The following LINGO2 variants were observed in gnomAD, a reference collection of about 807,000 sequenced individuals.
LINGO2 encodes leucine-rich repeat and immunoglobulin-like domain-containing nogo receptor-interacting protein 2.
Under a neutral mutation model 30.6 loss-of-function variants are expected in LINGO2, and 14 were observed. That is an observed-to-expected ratio of 0.46 (90% CI 0.30 to 0.72). The LOEUF is 0.72. Ranked by LOEUF, LINGO2 falls within the 30% of genes least tolerant of loss-of-function variation. The probability of loss-of-function intolerance (pLI) is 0.07; values close to 1 mark genes in which losing one functional copy is unlikely to be tolerated. For missense variants in LINGO2, 729 were observed against 751.7 expected, an observed-to-expected ratio of 0.97 and a Z score of 0.35; for synonymous variants, 317 against 288.5, an observed-to-expected ratio of 1.10 and a Z score of -1.00.
chr9:28,490,246 G>A (rs982009121), intron 1 of LINGO2, among the ~76,000 whole-genome samples: 4 of 152,062 alleles, frequency 2.6e-5, no homozygotes, highest in Non-Finnish European at 4.4e-5. Flanking sequence ...TTATATTGCC[G>A]GAGTTTAACA....
At chr9:28,692,884 A>G in the LINGO2 span, among the ~76,000 whole-genome samples, 1 of 152,166 alleles carries the variant, frequency 6.6e-6, no homozygotes, top group Non-Finnish European at 1.5e-5. Context: ...TAAAATCAAA[A>G]TATGAACATG....
At chr9:29,042,075 A>C in the LINGO2 span, among the ~76,000 whole-genome samples, 3 of 152,158 alleles carry the variant, frequency 2.0e-5, no homozygotes, top group East Asian at 5.8e-4. Flanking sequence ...AGGGACATGA[A>C]AACTAAAATC....
At chr9:28,774,899 T>A in the LINGO2 span, among the ~76,000 whole-genome samples, 7 of 152,312 alleles carry the variant, frequency 4.6e-5, no homozygotes, top group African/African-American at 1.7e-4. Context: ...ATGAAAGCGC[T>A]GGACCTTAAA....
chr9:28,438,219 G>T (rs1047515010), intron 2 of LINGO2, among the ~76,000 whole-genome samples: 4 of 152,282 alleles, frequency 2.6e-5, no homozygotes, highest in South Asian at 2.1e-4. Context: ...GTGAGCTAAA[G>T]GTTGCCCAGA....
intron 3 of LINGO2, among the ~76,000 whole-genome samples, chr9:28,330,817 C>G (rs976163825): frequency 6.6e-6 from 1 of 151,978 alleles, no homozygotes; most frequent in African/African-American, 2.4e-5. Flanking sequence ...ATGTGGTGTT[C>G]AAAAGAGTGA....
the LINGO2 span, among the ~76,000 whole-genome samples, chr9:28,993,099 C>A: frequency 6.6e-6 from 1 of 152,008 alleles, no homozygotes; most frequent in Non-Finnish European, 1.5e-5. Context: ...AAAGGATAAA[C>A]AAAATTGACA....
chr9:28,014,732 T>C (rs936449195), intron 4 of LINGO2, among the ~76,000 whole-genome samples: 3 of 152,148 alleles, frequency 2.0e-5, no homozygotes, highest in African/African-American at 7.2e-5. Context: ...AAATTATATT[T>C]TGTGACTGTC....
At chr9:28,514,574 C>G (rs1379772867) in intron 1 of LINGO2, among the ~76,000 whole-genome samples, 3 of 152,168 alleles carry the variant, frequency 2.0e-5, no homozygotes, top group Non-Finnish European at 4.4e-5. Flanking sequence ...GAGCAAGGCC[C>G]TAACTCTCTT....
At chr9:29,039,528 T>C in the LINGO2 span, among the ~76,000 whole-genome samples, 1 of 152,184 alleles carries the variant, frequency 6.6e-6, no homozygotes, top group South Asian at 2.1e-4. Flanking sequence ...CATCTACTTC[T>C]TGAGAAGCCT....
chr9:28,407,231 G>A (rs1477809866), intron 2 of LINGO2, among the ~76,000 whole-genome samples: 7 of 147,172 alleles, frequency 4.8e-5, no homozygotes, highest in Admixed American at 3.5e-4. Context: ...AAAAAAGGAG[G>A]GAGGGGCAGG....
chr9:28,549,889 T>G (rs1396999928), intron 1 of LINGO2, among the ~76,000 whole-genome samples: 1 of 151,876 alleles, frequency 6.6e-6, no homozygotes, highest in African/African-American at 2.4e-5. Flanking sequence ...CCATTTTTGA[T>G]AATAATTTAA....
At chr9:28,526,570 A>G (rs1362738319) in intron 1 of LINGO2, among the ~76,000 whole-genome samples, 1 of 152,228 alleles carries the variant, frequency 6.6e-6, no homozygotes, top group Admixed American at 6.5e-5. Flanking sequence ...AATGTTCACA[A>G]TAATCAAAAT....
chr9:29,205,641 T>C, the LINGO2 span, among the ~76,000 whole-genome samples: 1 of 152,182 alleles, frequency 6.6e-6, no homozygotes, highest in Non-Finnish European at 1.5e-5. Context: ...TCCCTAAATA[T>C]TAGGAAGATT....
intron 3 of LINGO2, among the ~76,000 whole-genome samples, chr9:28,304,797 A>C (rs1361988109): frequency 6.6e-6 from 1 of 152,082 alleles, no homozygotes; most frequent in Non-Finnish European, 1.5e-5. Flanking sequence ...CTCAGAGACT[A>C]ACTCAAAGTA....
chr9:28,404,163 T>C (rs1481677232), intron 2 of LINGO2, among the ~76,000 whole-genome samples: 1 of 152,164 alleles, frequency 6.6e-6, no homozygotes, highest in African/African-American at 2.4e-5. Flanking sequence ...TATACCCCTA[T>C]ATCTCAACTT....
At chr9:28,154,078 A>G (rs954049184) in intron 4 of LINGO2, among the ~76,000 whole-genome samples, 2 of 152,112 alleles carry the variant, frequency 1.3e-5, no homozygotes, top group African/African-American at 4.8e-5. Flanking sequence ...TACTCCATTC[A>G]TTTGCTATAG....
the LINGO2 span, among the ~76,000 whole-genome samples, chr9:29,054,036 A>T: frequency 3.9e-5 from 6 of 152,070 alleles, no homozygotes; most frequent in South Asian, 1.2e-3. Context: ...TACTCAAATG[A>T]GGTGTATCTG....
chr9:28,576,743 G>A (rs530993545), intron 1 of LINGO2, among the ~76,000 whole-genome samples: 39 of 152,212 alleles, frequency 2.6e-4, no homozygotes, highest in African/African-American at 9.2e-4. Flanking sequence ...GGGTGCAAGA[G>A]GTACTTGATT....
chr9:28,144,608 T>C (rs1827762066), intron 4 of LINGO2, among the ~76,000 whole-genome samples: 1 of 152,208 alleles, frequency 6.6e-6, no homozygotes, highest in African/African-American at 2.4e-5. Context: ...GGAGTGTATT[T>C]TCAGTTCAGT....
Sources: gnomAD v4.1 joint callset for allele counts (sites outside exome capture counted in the v4.1 genomes callset) on GRCh38, gnomAD v4.1.1 for gene constraint, MANE v1.5 for transcripts, NCBI Gene and HGNC (gene_info 2026-07-23, HGNC 2026-07-21) for gene names.